The following DIS3L2 variants were observed in gnomAD, a reference collection of about 807,000 sequenced individuals.
DIS3L2 encodes DIS3 like 3'-5' exoribonuclease 2.
DIS3L2 carries 34 observed loss-of-function variants against 97.5 expected under a neutral mutation model. That is an observed-to-expected ratio of 0.35 (90% CI 0.27 to 0.46). The LOEUF is 0.46. Ranked by LOEUF, DIS3L2 falls within the 20% of genes least tolerant of loss-of-function variation. The pLI is 1.00. For synonymous variants in DIS3L2, 435 were observed against 445.2 expected (o/e 0.98, Z 0.29); for missense variants, 1,038 against 1,146.0 (o/e 0.91, Z 1.36).
In DIS3L2 at chr2:232,029,295, A is replaced by G. The variant is rs568871893; in HGVS notation, c.265-684A>G. On this transcript the variant is annotated intron_variant, in intron 4 of 20. Coordinates refer to ENST00000325385, the MANE Select transcript of DIS3L2 (RefSeq NM_152383.5). ...TTGAAAATATTTCATTTTCTCAGGA[A>G]CCCTGACTGCTGGTGAAGGCCTGCA... Among the ~76,000 whole-genome samples the G allele has an allele frequency of 7.9e-5, 12 of 152,292 alleles. No homozygotes were observed. The South Asian group carries it at 2.5e-3, about 32-fold the overall frequency.
chr2:232,053,548 G>T (rs1204170416), intron 5 of DIS3L2, among the ~76,000 whole-genome samples: 1 of 152,200 alleles, frequency 6.6e-6, no homozygotes, highest in Non-Finnish European at 1.5e-5. Flanking sequence ...CCAGGTGCCA[G>T]TCACAGTCCG....
At chr2:232,319,206 A>G (rs1695359357) in intron 14 of DIS3L2, among the ~76,000 whole-genome samples, 1 of 152,086 alleles carries the variant, frequency 6.6e-6, no homozygotes, top group African/African-American at 2.4e-5. Flanking sequence ...CCAGCACCCT[A>G]CCACACTGGC....
chr2:231,974,041 TA>T (rs150413505), intron 1 of DIS3L2, among the ~76,000 whole-genome samples: 13 of 152,010 alleles, frequency 8.6e-5, no homozygotes, highest in African/African-American at 2.4e-4. Flanking sequence ...CTAATACAGT[TA>T]AAAAAATATA....
rs372315218 is a variant in DIS3L2 at position 232,336,674 on chromosome 2, G to A, written c.*44G>A. On this transcript the variant is annotated 3_prime_UTR_variant, in exon 21 of 21. Coordinates refer to ENST00000325385, the MANE Select transcript of DIS3L2 (RefSeq NM_152383.5). The stretch of plus-strand genomic sequence containing the variant: ...CCCGCCTGCCCCGCCTGCCTGTCCC[G>A]CCACACTGGCTTTAGGACCTGTTGA... 4.8e-4 allele frequency: 752 copies of A among 1,575,000 alleles called. 2 individuals carry two copies. Among genetic ancestry groups the A allele is most frequent in the South Asian group, 2.0e-3 (176 of 87,750 alleles).
Position 232,107,665 on chromosome 2 carries a change from C to G in DIS3L2, c.601+19944C>G, listed in dbSNP as rs561429502. Among the ~76,000 whole-genome samples the G allele has an allele frequency of 1.7e-3, 260 of 152,304 alleles. 2 individuals carry two copies. The highest frequency in any genetic ancestry group is 3.2e-3 in the Non-Finnish European group (218 of 68,014). On this transcript the variant is annotated intron_variant, in intron 6 of 20. Coordinates refer to ENST00000325385, the MANE Select transcript of DIS3L2 (RefSeq NM_152383.5). ...AGTGAGCCGAGGTCTCGCCACTGCA[C>G]TCCAGCCTGGGCAGGCGACAGAGCG...
chr2:232,268,961 T>A lies in DIS3L2; in HGVS notation c.1659+5521T>A, dbSNP rs192417037. 1.4e-4 allele frequency among the ~76,000 whole-genome samples: 21 copies of A among 152,382 alleles called. No individual in the cohort carries two copies. The highest frequency in any genetic ancestry group is 1.2e-3 in the Admixed American group (18 of 15,312). On this transcript the variant is annotated intron_variant, in intron 13 of 20. Transcript: ENST00000325385. This position sits in a 1 kb window ranked among gnomAD's most constrained non-coding sequence, Gnocchi z 4.1. The stretch of plus-strand genomic sequence containing the variant: ...TGGGGAGTAGAGGAATGAATCAGTT[T>A]AGCATCAGTTCCCTTATTCCATTTA...
At chr2:232,098,958 C>T (rs1697114156) in intron 6 of DIS3L2, among the ~76,000 whole-genome samples, 1 of 152,036 alleles carries the variant, frequency 6.6e-6, no homozygotes, top group African/African-American at 2.4e-5. Context: ...AAGATATTCT[C>T]CCTTGTAATC....
chr2:232,272,064 T>A (rs1362658640), intron 13 of DIS3L2, among the ~76,000 whole-genome samples: 1 of 152,224 alleles, frequency 6.6e-6, no homozygotes, highest in African/African-American at 2.4e-5. Context: ...AGCATCAGAT[T>A]CATTCTGTTG....
Position 232,037,565 on chromosome 2 carries a change from C to T in DIS3L2, c.366+7485C>T, listed in dbSNP as rs914855291. 3.3e-5 allele frequency among the ~76,000 whole-genome samples: 5 copies of T among 152,140 alleles called. No individual in the cohort carries two copies. The highest frequency in any genetic ancestry group is 1.2e-4 in the African/African-American group (5 of 41,434). ...GAACAGTTCTCTCTCACTGGTATAC[C>T]AGGAGTCACTGGGGTACGAAAAAAA... On this transcript the variant is annotated intron_variant, in intron 5 of 20. Coordinates refer to ENST00000325385, the MANE Select transcript of DIS3L2 (RefSeq NM_152383.5). The surrounding 1 kb of genome is among the most constrained non-coding windows in gnomAD (Gnocchi z 4.6).
At chr2:232,077,164 C>T (rs1361803983) in intron 5 of DIS3L2, among the ~76,000 whole-genome samples, 1 of 152,140 alleles carries the variant, frequency 6.6e-6, no homozygotes, top group Non-Finnish European at 1.5e-5. Context: ...ACCCACTGCC[C>T]CACCATGGGT....
chr2:232,139,318 C>T (rs927229742), intron 8 of DIS3L2, among the ~76,000 whole-genome samples: 5 of 152,224 alleles, frequency 3.3e-5, no homozygotes, highest in African/African-American at 7.2e-5. Flanking sequence ...TTCTGCTTCT[C>T]TCTGCACAGT....
At chr2:232,278,730 G>A (rs1276433006) in intron 13 of DIS3L2, among the ~76,000 whole-genome samples, 1 of 152,134 alleles carries the variant, frequency 6.6e-6, no homozygotes, top group Admixed American at 6.5e-5. Flanking sequence ...AAGAATATTT[G>A]GCTAGTTTCC....
intron 11 of DIS3L2, among the ~76,000 whole-genome samples, chr2:232,246,003 C>A (rs957073076): frequency 6.6e-6 from 1 of 152,242 alleles, no homozygotes; most frequent in Non-Finnish European, 1.5e-5. Context: ...TGTCTACACA[C>A]TGGAAGTGCC....
chr2:232,027,848 G>A (rs1694702716), intron 4 of DIS3L2, among the ~76,000 whole-genome samples: 2 of 152,150 alleles, frequency 1.3e-5, no homozygotes, highest in Admixed American at 1.3e-4. Context: ...GTAAAATCAT[G>A]TGACTTTCAA....
At chr2:232,158,028 C>G (rs1378935444) in intron 8 of DIS3L2, among the ~76,000 whole-genome samples, 1 of 152,192 alleles carries the variant, frequency 6.6e-6, no homozygotes, top group Non-Finnish European at 1.5e-5. Context: ...GTCACCAGTA[C>G]TCCAATCTTT....
At chr2:232,138,654 A>G (rs1698426363) in intron 8 of DIS3L2, among the ~76,000 whole-genome samples, 1 of 152,192 alleles carries the variant, frequency 6.6e-6, no homozygotes, top group Admixed American at 6.6e-5. Flanking sequence ...TAATCAGAAC[A>G]TGCTGTGCTA....
At chr2:232,066,088 T>C (rs1172855370) in intron 5 of DIS3L2, among the ~76,000 whole-genome samples, 1 of 151,918 alleles carries the variant, frequency 6.6e-6, no homozygotes, top group African/African-American at 2.4e-5. Context: ...GCATATATAT[T>C]GTCTGTGAAT....
chr2:232,004,458 G>A (rs1400165943), intron 1 of DIS3L2, among the ~76,000 whole-genome samples: 1 of 151,658 alleles, frequency 6.6e-6, no homozygotes, highest in Non-Finnish European at 1.5e-5. Flanking sequence ...TTTTCAGGTT[G>A]TATAATTTCT....
intron 5 of DIS3L2, among the ~76,000 whole-genome samples, chr2:232,081,982 G>A (rs577313884): frequency 4.6e-5 from 7 of 152,306 alleles, no homozygotes; most frequent in Non-Finnish European, 5.9e-5. Context: ...TAGAGACAGG[G>A]TTTCGCCATG....
Sources: gnomAD v4.1 joint callset for allele counts (sites outside exome capture counted in the v4.1 genomes callset) on GRCh38, gnomAD v4.1.1 for gene constraint, Gnocchi (gnomAD v3.1) non-coding constraint, MANE v1.5 for transcripts, NCBI Gene and HGNC (gene_info 2026-07-23, HGNC 2026-07-21) for gene names.